The following NXPE1 variants were observed in gnomAD, a reference collection of about 807,000 sequenced individuals.
The protein encoded by NXPE1 is NXPE family member 1.
In NXPE1, 31 loss-of-function variants were observed where a neutral mutation model predicts 33.3. The observed-to-expected ratio is 0.93, with a 90% CI of 0.70 to 1.26. NXPE1 has a LOEUF of 1.26. NXPE1 is among the 50% of genes most tolerant of loss of function. The pLI, the probability that NXPE1 is intolerant of heterozygous loss-of-function variation, is 0.00. For missense variants in NXPE1, 661 were observed against 655.6 expected, an observed-to-expected ratio of 1.01 and a Z score of -0.09; for synonymous variants, 229 against 231.4, an observed-to-expected ratio of 0.99 and a Z score of 0.09.
chr11:114,526,851 A>G (rs1158726359), intron 7 of NXPE1, among the ~76,000 whole-genome samples: 1 of 152,216 alleles, frequency 6.6e-6, no homozygotes, highest in Non-Finnish European at 1.5e-5. Flanking sequence ...GCAATTAGAA[A>G]TTACTCATAT....
chr11:114,520,726 T>C (rs2134882073), downstream of NXPE1, among the ~76,000 whole-genome samples: 1 of 152,004 alleles, frequency 6.6e-6, no homozygotes, highest in Admixed American at 6.6e-5. Flanking sequence ...CCACCAAGAG[T>C]GTATGAGAGT....
chr11:114,527,730 A>T, intron 7 of NXPE1, 110 bp downstream of exon 7: 1 of 640,748 alleles, frequency 1.6e-6, no homozygotes, highest in Non-Finnish European at 2.6e-6. Context: ...CATGATTGAC[A>T]TCATAGACAT....
At chr11:114,536,893 A>G (rs981354696) in intron 5 of NXPE1, among the ~76,000 whole-genome samples, 2 of 152,206 alleles carry the variant, frequency 1.3e-5, no homozygotes, top group Non-Finnish European at 2.9e-5. Context: ...AACTATTCCA[A>G]TCAGTAGAAA....
chr11:114,525,767 T>G (rs1947349654), intron 7 of NXPE1, among the ~76,000 whole-genome samples: 1 of 152,182 alleles, frequency 6.6e-6, no homozygotes, highest in Non-Finnish European at 1.5e-5. Flanking sequence ...TTTGCACCAT[T>G]TAGTGAAGTG....
chr11:114,553,928 T>C (rs1235308607), intron 1 of NXPE1: 2 of 985,290 alleles, frequency 2.0e-6, no homozygotes, highest in African/African-American at 3.5e-5. Context: ...GATTTTTGTT[T>C]TTGTTTTCTG....
intron 2 of NXPE1, among the ~76,000 whole-genome samples, chr11:114,552,311 GAAGAC>G (rs1318847889): frequency 2.0e-5 from 3 of 152,098 alleles, no homozygotes; most frequent in Non-Finnish European, 4.4e-5. Context: ...ATACAGAAGA[GAAGAC>G]AAGGGGCAGC....
At chr11:114,559,112 A>G in intron 1 of NXPE1, among the ~76,000 whole-genome samples, 1 of 152,350 alleles carries the variant, frequency 6.6e-6, no homozygotes, top group Middle Eastern at 3.4e-3. Context: ...TAAATTAAAA[A>G]TATACATACA....
downstream of NXPE1, among the ~76,000 whole-genome samples, chr11:114,519,633 C>T (rs1463824786): frequency 6.6e-6 from 1 of 152,014 alleles, no homozygotes. Flanking sequence ...GGGAGTTTGA[C>T]AGGTGGAAGG....
intron 5 of NXPE1, among the ~76,000 whole-genome samples, chr11:114,540,651 A>G (rs7935156): frequency 0.16 from 24,835 of 151,848 alleles, 2,281 homozygotes; most frequent in South Asian, 0.23. Flanking sequence ...GCAATGTTCA[A>G]CTCTGAACGA....
intron 5 of NXPE1, among the ~76,000 whole-genome samples, chr11:114,546,417 T>C (rs1948284409): frequency 1.3e-5 from 2 of 152,136 alleles, no homozygotes; most frequent in African/African-American, 2.4e-5. Context: ...CATATAATTA[T>C]AGATATGCAT....
chr11:114,530,767 C>G (rs1434436907), exon 6 of NXPE1: 13 of 1,614,074 alleles, frequency 8.1e-6, no homozygotes, highest in Non-Finnish European at 1.1e-5. Context: ...ATCTGCTGAT[C>G]TAGTTTCTCT....
chr11:114,523,912 G>A (rs888198819), intron 7 of NXPE1, among the ~76,000 whole-genome samples: 3 of 152,212 alleles, frequency 2.0e-5, no homozygotes, highest in Non-Finnish European at 4.4e-5. Context: ...TTTGAATGCT[G>A]TAAGAAAGAC....
intron 7 of NXPE1, among the ~76,000 whole-genome samples, chr11:114,527,406 C>T (rs1022332214): frequency 1.3e-5 from 2 of 152,068 alleles, no homozygotes; most frequent in African/African-American, 4.8e-5. Context: ...AGTAACAGGG[C>T]TTTGTGTTTG....
intron 5 of NXPE1, among the ~76,000 whole-genome samples, chr11:114,532,777 GGT>G (rs1464899908): frequency 2.0e-5 from 3 of 152,214 alleles, no homozygotes; most frequent in Non-Finnish European, 1.5e-5. Context: ...AATATATACA[GGT>G]GTGTGTGCAT....
In NXPE1 at chr11:114,524,404, C is replaced by T. The variant is rs183078674; in HGVS notation, c.896-1313G>A. Among the ~76,000 whole-genome samples, 6 of 152,312 alleles carry T rather than the reference C, an allele frequency of 3.9e-5. No homozygotes were observed. In the East Asian group the frequency reaches 1.2e-3, roughly 29 times the overall value. On this transcript the variant is annotated intron_variant, in intron 7 of 8. Transcript: ENST00000534921. ...GGCTGCCTATGTCCACAGAATAGTG[C>T]ATCATTACATGGTTGTATTGTATTT...
chr11:114,519,227 C>T (rs200024420), downstream of NXPE1, among the ~76,000 whole-genome samples: 5 of 151,980 alleles, frequency 3.3e-5, no homozygotes, highest in Admixed American at 1.3e-4. Context: ...GCTTTCCCCC[C>T]GTTTGGCAAA....
At chr11:114,549,758 G>T (rs1252587476) in intron 5 of NXPE1, among the ~76,000 whole-genome samples, 2 of 151,974 alleles carry the variant, frequency 1.3e-5, no homozygotes, top group Non-Finnish European at 2.9e-5. Flanking sequence ...AGCAATTCGA[G>T]ACACTGGAAT....
At chr11:114,554,044 C>T (rs1591309219) in intron 1 of NXPE1, 7 of 985,292 alleles carry the variant, frequency 7.1e-6, no homozygotes, top group Non-Finnish European at 7.2e-6. Context: ...TTTTCTTCTC[C>T]CCATCTTTGT....
rs1383138820 is a variant in NXPE1, at chr11:114,533,544, AG to A, written c.100-2637del. ...GGAATTTCCTTTCCTAGTCAAAGAA[AG>A]GGGTGACAGATGGCACCTGGAAAAT... On this transcript the variant is annotated intron_variant, in intron 5 of 8. Transcript: ENST00000534921. 9.2e-5 allele frequency among the ~76,000 whole-genome samples: 14 copies of A among 152,186 alleles called. No individual in the cohort carries two copies. In the East Asian group the frequency reaches 2.7e-3, roughly 29 times the overall value.
Sources: gnomAD v4.1 joint callset for allele counts (sites outside exome capture counted in the v4.1 genomes callset) on GRCh38, gnomAD v4.1.1 for gene constraint, MANE v1.5 for transcripts, NCBI Gene and HGNC (gene_info 2026-07-23, HGNC 2026-07-21) for gene names.